Variants in RBM5 observed in about 807,000 individuals in gnomAD.
The protein encoded by RBM5 is RNA-binding protein 5.
In RBM5, 15 loss-of-function variants were observed where a neutral mutation model predicts 124.6. The observed-to-expected ratio is 0.12, with a 90% CI of 0.08 to 0.19. The LOEUF is 0.19. Among genes scored for constraint, RBM5 ranks in the 10% least tolerant of loss-of-function variants. The pLI is 1.00. For synonymous variants in RBM5, 337 were observed against 361.2 expected, an observed-to-expected ratio of 0.93 and a Z score of 0.76; for missense variants, 580 against 1,026.5, an observed-to-expected ratio of 0.57 and a Z score of 5.94.
Position 50,100,472 on chromosome 3 carries a change from C to T in RBM5, c.410-60C>T, listed in dbSNP as rs2090917835. ...GTTGAAGCAGTGGGAGAGAGATTCA[C>T]CTGTTATAAAGGAACTGACTAACAC... On this transcript the variant is annotated intron_variant, in intron 5 of 24. Coordinates refer to ENST00000347869, the MANE Select transcript of RBM5 (RefSeq NM_005778.4). This position sits in a 1 kb window ranked among gnomAD's most constrained non-coding sequence, Gnocchi z 5.1. The T allele has an allele frequency of 1.4e-6, 2 of 1,385,578 alleles. No homozygotes were observed. The highest frequency in any genetic ancestry group is 1.8e-4 in the Middle Eastern group (1 of 5,622). The allele number at this position is 1,385,578 out of a possible 1,614,324, so 85.8% of individuals were successfully genotyped here.
At position 50,117,011 on chromosome 3, in the gene RBM5, G is replaced by A. The variant is rs2091265760; in HGVS notation, c.2095-63G>A. ...CTTGAGGGGATAGTTTTGAATAGGT[G>A]CATTAGACGGTTACAGGTTGAAGTC... is the stretch of plus-strand genomic sequence containing the variant. On this transcript the variant is annotated intron_variant, in intron 22 of 24. Transcript: ENST00000347869. The surrounding 1 kb of genome is among the most constrained non-coding windows in gnomAD (Gnocchi z 4.2). 1.4e-6 allele frequency: 2 copies of A among 1,435,274 alleles called. No homozygotes were observed. The highest frequency in any genetic ancestry group is 9.8e-7 in the Non-Finnish European group (1 of 1,019,150). The allele number at this position is 1,435,274 out of a possible 1,614,324, so 88.9% of individuals were successfully genotyped here.
At chr3:50,118,294 C>G (rs1015014139) in intron 24 of RBM5, 37 bp from the exon 25 acceptor site, 1 of 1,613,124 alleles carries the variant, frequency 6.2e-7, no homozygotes, top group Admixed American at 1.7e-5. Flanking sequence ...GCAGCCCATA[C>G]CCTACCTCCC....
In RBM5 at chr3:50,090,268, T is replaced by C. The variant is rs915145783; in HGVS notation, c.-53-114T>C. 76 of 649,104 alleles carry C rather than the reference T, an allele frequency of 1.2e-4. No homozygotes were observed. The African/African-American group carries it at 1.2e-3, about 10-fold the overall frequency. 40.2% of individuals were successfully genotyped at this position (649,104 alleles called of 1,614,324 possible). A position where few individuals can be genotyped will look rare whatever the true frequency, so the allele number is the denominator to read the frequency against. On this transcript the variant is annotated intron_variant, in intron 1 of 24. Transcript: ENST00000347869. ...CCACTTCCCCACCTTAGATAATCACTGTCAATGATTTGAAGGTTTGATGAA... is the reference window on the plus strand; with the variant it reads ...CCACTTCCCCACCTTAGATAATCACCGTCAATGATTTGAAGGTTTGATGAA...
At chr3:50,093,948 C>G in intron 4 of RBM5, 73 bp downstream of exon 4, 1 of 1,511,630 alleles carries the variant, frequency 6.6e-7, no homozygotes, top group Non-Finnish European at 9.1e-7. Context: ...ATTATTTTCT[C>G]ATGCTATTGT....
At chr3:50,093,691 T>A in intron 3 of RBM5, 29 bp from the exon 4 acceptor site, 1 of 1,606,136 alleles carries the variant, frequency 6.2e-7, no homozygotes, top group Non-Finnish European at 8.5e-7. Flanking sequence ...AGGGTGATGT[T>A]AATTGTGATT....
At chr3:50,118,266 G>A (rs561873075) in intron 24 of RBM5, 65 bp from the exon 25 acceptor site, 2 of 1,599,806 alleles carry the variant, frequency 1.3e-6, no homozygotes, top group Admixed American at 1.7e-5. Context: ...GTAAGGAGTG[G>A]GCATGGTGAG....
At position 50,117,599 on chromosome 3, in the gene RBM5, G is replaced by A. The variant is rs1358482663; in HGVS notation, c.2322+220G>A. 2.2e-5 allele frequency: 11 copies of A among 499,266 alleles called. No individual in the cohort carries two copies. Among genetic ancestry groups the A allele is most frequent in the South Asian group, 5.6e-5 (2 of 35,974 alleles). 30.9% of individuals were successfully genotyped at this position (499,266 alleles called of 1,614,324 possible). A position where few individuals can be genotyped will look rare whatever the true frequency, so the allele number is the denominator to read the frequency against. On this transcript the variant is annotated intron_variant, in intron 24 of 24. Transcript: ENST00000347869. The surrounding 1 kb of genome is among the most constrained non-coding windows in gnomAD (Gnocchi z 4.2). Reference sequence around the variant, plus strand: ...AGTTTGAGACCAGCCTGGGCAACACGGTGAAACCCCGTCTCTACTAAAATA... The same window carrying A: ...AGTTTGAGACCAGCCTGGGCAACACAGTGAAACCCCGTCTCTACTAAAATA...
At chr3:50,089,650 C>A (rs965534012) in intron 1 of RBM5, among the ~76,000 whole-genome samples, 1 of 151,988 alleles carries the variant, frequency 6.6e-6, no homozygotes, top group African/African-American at 2.4e-5. Context: ...TTCAACAAAT[C>A]GTTGAGCATT....
rs1448275856 is a variant in RBM5 at position 50,118,664 on chromosome 3, G to A, written c.*208G>A. 1 of 719,020 alleles carries A rather than the reference G, an allele frequency of 1.4e-6. No individual in the cohort carries two copies. The allele number at this position is 719,020 out of a possible 1,614,324, so 44.5% of individuals were successfully genotyped here. The stretch of plus-strand genomic sequence containing the variant: ...TGAATGGCCTTCCTTCCCGCCAGAG[G>A]GCTTGTGAACAGACCGGAGAGGACA... On this transcript the variant is annotated 3_prime_UTR_variant, in exon 25 of 25. Transcript: ENST00000347869.
rs144989528 is a variant in RBM5, at chr3:50,107,860, T to C, written c.1042-210T>C. 6.4e-3 allele frequency among the ~76,000 whole-genome samples: 973 copies of C among 151,770 alleles called. 10 individuals carry two copies. The highest frequency in any genetic ancestry group is 0.022 in the African/African-American group (920 of 41,364). ...TGCCACCACGCCTGGCTAATTTTTG[T>C]ATTTTAGTAGAGATGGGATTTCACC... On this transcript the variant is annotated intron_variant, in intron 12 of 24. Transcript: ENST00000347869.
intron 22 of RBM5, 108 bp from the exon 23 acceptor site, chr3:50,116,966 A>G: frequency 2.0e-6 from 2 of 1,005,312 alleles, no homozygotes; most frequent in South Asian, 1.4e-5. Flanking sequence ...TAAAAAAAGC[A>G]TTCTTCAGAT....
In RBM5 at chr3:50,115,995, G is replaced by C; in HGVS notation, c.2094+15G>C. ...GGGAGAGAGAGGTGAATGGGAAACT[G>C]TGCCACAAGGAAGAGGATATTGGGA... On this transcript the variant is annotated intron_variant, in intron 22 of 24. Transcript: ENST00000347869. 5.0e-6 allele frequency: 8 copies of C among 1,600,350 alleles called. No individual in the cohort carries two copies. Among genetic ancestry groups the C allele is most frequent in the Non-Finnish European group, 6.9e-6 (8 of 1,167,540 alleles).
chr3:50,100,708 T>G lies in RBM5; in HGVS notation c.483+103T>G. ...GGTTTGTTCCAAAGGAGTGACTTTT[T>G]TTTAAAAAAAAAGCTTTGTATATAT... is the stretch of plus-strand genomic sequence containing the variant. On this transcript the variant is annotated intron_variant, in intron 6 of 24. Coordinates refer to ENST00000347869, the MANE Select transcript of RBM5 (RefSeq NM_005778.4). The surrounding 1 kb of genome is among the most constrained non-coding windows in gnomAD (Gnocchi z 5.1). 1.1e-6 allele frequency: 1 copy of G among 895,548 alleles called. No homozygotes were observed. The highest frequency in any genetic ancestry group is 1.9e-5 in the South Asian group (1 of 52,556). 55.5% of individuals were successfully genotyped at this position (895,548 alleles called of 1,614,324 possible). A position where few individuals can be genotyped will look rare whatever the true frequency, so the allele number is the denominator to read the frequency against.
chr3:50,118,522 C>T lies in RBM5; in HGVS notation c.*66C>T, dbSNP rs533311328. On this transcript the variant is annotated 3_prime_UTR_variant, in exon 25 of 25. Transcript: ENST00000347869. ...GGTCCATCTCCCGAATTCGCTGTTA[C>T]CGCCTGTCTCTTTAAGGGCATGCCT... 3 of 1,560,898 alleles carry T rather than the reference C, an allele frequency of 1.9e-6. No individual in the cohort carries two copies. Among genetic ancestry groups the T allele is most frequent in the East Asian group, 2.3e-5 (1 of 43,134 alleles).
intron 4 of RBM5, 167 bp from the exon 5 acceptor site, chr3:50,099,815 T>A: frequency 1.9e-6 from 1 of 523,868 alleles, no homozygotes; most frequent in Non-Finnish European, 3.3e-6. Context: ...TGAGCTGAGA[T>A]CATGCCACTG....
intron 16 of RBM5, 75 bp downstream of exon 16, chr3:50,110,538 C>T: frequency 6.7e-7 from 1 of 1,501,220 alleles, no homozygotes. Context: ...GAGTTCTTCT[C>T]CCTTTGCGGG....
chr3:50,100,913 A>G lies in RBM5; in HGVS notation c.483+308A>G, dbSNP rs1246515252. The G allele has an allele frequency of 4.0e-6, 1 of 248,698 alleles. No individual in the cohort carries two copies. Among genetic ancestry groups the G allele is most frequent in the Non-Finnish European group, 7.7e-6 (1 of 130,628 alleles). The allele number at this position is 248,698 out of a possible 1,614,324, so 15.4% of individuals were successfully genotyped here. On this transcript the variant is annotated intron_variant, in intron 6 of 24. Transcript: ENST00000347869. The surrounding 1 kb of genome is among the most constrained non-coding windows in gnomAD (Gnocchi z 5.1). The stretch of plus-strand genomic sequence containing the variant: ...AGTTTGTTATATTCCTATTATGTCC[A>G]TTGAGAGTAAGCTTAGTATATCAAA...
intron 4 of RBM5, among the ~76,000 whole-genome samples, chr3:50,095,193 C>T (rs1040266195): frequency 2.6e-5 from 4 of 151,988 alleles, no homozygotes; most frequent in Non-Finnish European, 4.4e-5. Context: ...AGAACAAGAC[C>T]CTGTCTCAAA....
chr3:50,089,790 G>A (rs775714125), intron 1 of RBM5: 61 of 154,110 alleles, frequency 4.0e-4, no homozygotes, highest in Non-Finnish European at 7.1e-4. Context: ...ACTACTCAGT[G>A]GTTTGTAGTC....
Sources: gnomAD v4.1 joint callset for allele counts (sites outside exome capture counted in the v4.1 genomes callset) on GRCh38, gnomAD v4.1.1 for gene constraint, Gnocchi (gnomAD v3.1) non-coding constraint, MANE v1.5 for transcripts, NCBI Gene and HGNC (gene_info 2026-07-23, HGNC 2026-07-21) for gene names.